HTR4: variants seen among roughly 807,000 people sequenced by gnomAD.
HTR4 encodes the protein 5-hydroxytryptamine (serotonin) receptor 4, G protein-coupled.
A neutral mutation model predicts 36.8 loss-of-function variants in HTR4; 16 were observed. The ratio of observed to expected loss-of-function variants is 0.43; its 90% CI spans 0.29 to 0.66. The LOEUF (loss-of-function observed/expected upper bound fraction) is 0.66, where lower values mean the gene tolerates loss of function less well. Among genes scored for constraint, HTR4 ranks in the 30% least tolerant of loss-of-function variants. The probability of loss-of-function intolerance (pLI) is 0.13; values close to 1 mark genes in which losing one functional copy is unlikely to be tolerated. For missense variants in HTR4, 438 were observed against 490.9 expected, an observed-to-expected ratio of 0.89 and a Z score of 1.02; for synonymous variants, 189 against 185.1, an observed-to-expected ratio of 1.02 and a Z score of -0.17.
At chr5:148,545,573 A>T (rs78932366) in intron 4 of HTR4, among the ~76,000 whole-genome samples, 1 of 152,342 alleles carries the variant, frequency 6.6e-6, no homozygotes, top group South Asian at 2.1e-4. Flanking sequence ...GTCAGCGAAG[A>T]CTTCTGCAAA....
At chr5:148,568,552 C>T (rs1352796866) in intron 2 of HTR4, among the ~76,000 whole-genome samples, 2 of 151,990 alleles carry the variant, frequency 1.3e-5, no homozygotes, top group African/African-American at 4.8e-5. Context: ...TACAAATTGT[C>T]CATGAGCTTA....
chr5:148,476,485 AAG>A (rs1166680315), downstream of HTR4, among the ~76,000 whole-genome samples: 3 of 152,206 alleles, frequency 2.0e-5, no homozygotes, highest in Admixed American at 6.5e-5. Context: ...CTGTCACAGA[AAG>A]AGTTTTCTCT....
At chr5:148,569,271 C>T (rs575462809) in intron 2 of HTR4, among the ~76,000 whole-genome samples, 3 of 152,056 alleles carry the variant, frequency 2.0e-5, no homozygotes, top group Non-Finnish European at 2.9e-5. Context: ...AAACCAAATA[C>T]GGCATGTTCT....
intron 2 of HTR4, among the ~76,000 whole-genome samples, chr5:148,607,525 T>TC (rs1752230505): frequency 6.6e-6 from 1 of 152,150 alleles, no homozygotes; most frequent in Non-Finnish European, 1.5e-5. Flanking sequence ...TTTCTTTTCC[T>TC]AAGAAGGCCC....
chr5:148,583,956 C>T (rs1056652385), intron 2 of HTR4, among the ~76,000 whole-genome samples: 23 of 152,140 alleles, frequency 1.5e-4, no homozygotes, highest in African/African-American at 5.3e-4. Flanking sequence ...AAAATGCAGC[C>T]CTTTTAACAT....
In HTR4 at chr5:148,515,290, C is replaced by T. The variant is rs554540112; in HGVS notation, c.508-5266G>A. ...AAGATCCCAAACAGCCCATGCCCCA[C>T]GCCTGCCTTTTATGCTATTGTTTTC... On this transcript the variant is annotated intron_variant, in intron 5 of 6. Transcript: ENST00000377888. Among the ~76,000 whole-genome samples, 112 of 152,262 alleles carry T rather than the reference C, an allele frequency of 7.4e-4. 1 individual carries two copies. The highest frequency in any genetic ancestry group is 2.5e-3 in the African/African-American group (105 of 41,554).
At chr5:148,630,592 G>A (rs1376463120) in intron 2 of HTR4, among the ~76,000 whole-genome samples, 1 of 152,062 alleles carries the variant, frequency 6.6e-6, no homozygotes, top group African/African-American at 2.4e-5. Flanking sequence ...TGATCATTAA[G>A]GTCAACCAGG....
intron 2 of HTR4, among the ~76,000 whole-genome samples, chr5:148,623,342 G>T (rs1752980492): frequency 6.6e-6 from 1 of 152,092 alleles, no homozygotes; most frequent in South Asian, 2.1e-4. Context: ...CGGTAGCCAA[G>T]GCCTCTCCAC....
At chr5:148,573,506 T>A (rs1377914878) in intron 2 of HTR4, among the ~76,000 whole-genome samples, 4 of 152,062 alleles carry the variant, frequency 2.6e-5, no homozygotes, top group African/African-American at 9.7e-5. Flanking sequence ...GGTTAAAGTG[T>A]GTGTGTCACA....
intron 4 of HTR4, among the ~76,000 whole-genome samples, chr5:148,541,933 T>G (rs900766797): frequency 6.6e-6 from 1 of 152,054 alleles, no homozygotes; most frequent in Non-Finnish European, 1.5e-5. Context: ...GCTTTGGAGA[T>G]TGCAACTTAG....
At chr5:148,619,616 C>G (rs1752840650) in intron 2 of HTR4, among the ~76,000 whole-genome samples, 6 of 152,102 alleles carry the variant, frequency 3.9e-5, no homozygotes, top group Admixed American at 3.9e-4. Flanking sequence ...ATGAAGCCAG[C>G]AGGAGCCCAC....
In HTR4 at chr5:148,576,123, A is replaced by AAACAAAAAAC. The variant is rs1554097010; in HGVS notation, c.27-25862_27-25861insGTTTTTTGTT. Among the ~76,000 whole-genome samples the AAACAAAAAAC allele has an allele frequency of 6.8e-4, 99 of 145,960 alleles. 3 individuals carry two copies. Among genetic ancestry groups the AAACAAAAAAC allele is most frequent in the African/African-American group, 2.4e-3 (95 of 40,230 alleles). On this transcript the variant is annotated intron_variant, in intron 2 of 6. Coordinates refer to ENST00000377888, the MANE Select transcript of HTR4 (RefSeq NM_000870.7). ...GAGACTCCGTCTCAAAAAAAAAAAA[A>AAACAAAAAAC]AAAAAAAAAACAAAATCAATGTAAA...
intron 2 of HTR4, among the ~76,000 whole-genome samples, chr5:148,618,442 A>G (rs965420773): frequency 3.9e-5 from 6 of 152,126 alleles, no homozygotes; most frequent in African/African-American, 7.2e-5. Flanking sequence ...TCTGGCTTCA[A>G]TTGGGCTTAC....
chr5:148,465,916 G>C, intron 5 of HTR4: 1 of 1,613,314 alleles, frequency 6.2e-7, no homozygotes, highest in Non-Finnish European at 8.5e-7. Context: ...TGGAGACAGG[G>C]GAACAGCCAC....
chr5:148,467,439 T>C (rs1755456590), intron 5 of HTR4, among the ~76,000 whole-genome samples: 1 of 152,174 alleles, frequency 6.6e-6, no homozygotes, highest in Non-Finnish European at 1.5e-5. Context: ...ACCATGTAGA[T>C]AATATAGACA....
chr5:148,547,267 T>A (rs375005941), intron 4 of HTR4, among the ~76,000 whole-genome samples: 4 of 152,128 alleles, frequency 2.6e-5, no homozygotes, highest in African/African-American at 9.7e-5. Context: ...GTATGTTAGA[T>A]ATACCACAAT....
At chr5:148,549,883 G>C (rs556723665) in intron 3 of HTR4, among the ~76,000 whole-genome samples, 1 of 152,212 alleles carries the variant, frequency 6.6e-6, no homozygotes, top group Non-Finnish European at 1.5e-5. Flanking sequence ...TGTATATATA[G>C]TGATCACAAC....
At chr5:148,488,977 T>A (rs1756288565) in intron 6 of HTR4, among the ~76,000 whole-genome samples, 1 of 152,156 alleles carries the variant, frequency 6.6e-6, no homozygotes, top group African/African-American at 2.4e-5. Flanking sequence ...CAAATCAATA[T>A]CCTTTCATGA....
At chr5:148,549,998 C>T in intron 3 of HTR4, 139 bp downstream of exon 3, 2 of 813,622 alleles carry the variant, frequency 2.5e-6, no homozygotes, top group South Asian at 2.0e-5. Context: ...CCTTTTTCTC[C>T]CCTTTTATTT....
Sources: allele counts gnomAD v4.1 joint callset (sites outside exome capture counted in the v4.1 genomes callset), GRCh38; gene constraint gnomAD v4.1.1; transcripts MANE v1.5; gene names NCBI Gene and HGNC (gene_info 2026-07-23, HGNC 2026-07-21).